GSTM3: variants seen among roughly 807,000 people sequenced by gnomAD.
GSTM3 encodes the protein glutathione S-transferase mu 3.
A neutral mutation model predicts 36.1 loss-of-function variants in GSTM3; 34 were observed. The ratio of observed to expected loss-of-function variants is 0.94; its 90% CI spans 0.72 to 1.25. The LOEUF (loss-of-function observed/expected upper bound fraction) is 1.25. GSTM3 is among the 50% of genes most tolerant of loss of function. GSTM3 has a pLI of 0.00. For synonymous variants in GSTM3, 102 were observed against 99.5 expected (o/e 1.03, Z -0.15); for missense variants, 266 against 281.6 (o/e 0.94, Z 0.40).
intron 6 of GSTM3, 112 bp downstream of exon 6, chr1:109,737,979 C>T: frequency 1.3e-6 from 1 of 756,568 alleles, no homozygotes; most frequent in Non-Finnish European, 2.3e-6. Context: ...TTCTAACAAT[C>T]TGGATTGGTG....
rs1649166346 is a variant in GSTM3 at position 109,735,313 on chromosome 1, C to T, written c.*1758G>A. The T allele has an allele frequency of 6.6e-6, 1 of 152,096 alleles. No homozygotes were observed. Among genetic ancestry groups the T allele is most frequent in the African/African-American group, 2.4e-5 (1 of 41,404 alleles). The allele number at this position is 152,096 out of a possible 1,614,324, so 9.4% of individuals were successfully genotyped here. ...ACCTCAGCCTCCTGGGTAGCTGGGACTATGCATGAGCAATTGCGCACAGCT... is the reference window on the plus strand; with the variant it reads ...ACCTCAGCCTCCTGGGTAGCTGGGATTATGCATGAGCAATTGCGCACAGCT... On this transcript the variant is annotated 3_prime_UTR_variant, in exon 9 of 9. Transcript: ENST00000361066.
rs1384873573 is a variant in GSTM3 at position 109,740,240 on chromosome 1, C to A, written c.48G>T (p.Gly16=). ...SMVLGYWDIR[G]LAHAIRLLLE... ...GCTCTACCGTTGAGACGGCACTCAC[C>A]CCACGAATATCCCAGTACCCGAGAA... Residue 16 remains glycine (G), a splice_region_variant and synonymous_variant, in exon 2 of 9, where the codon GGG becomes GGT. Coordinates refer to ENST00000361066, the MANE Select transcript of GSTM3 (RefSeq NM_000849.5). 1 of 1,613,150 alleles carries A rather than the reference C, an allele frequency of 6.2e-7. No homozygotes were observed. Among genetic ancestry groups the A allele is most frequent in the African/African-American group, 1.3e-5 (1 of 74,924 alleles).
Position 109,735,337 on chromosome 1 carries a change from CTAAT to C in GSTM3, c.*1730_*1733del, listed in dbSNP as rs931670804. The C allele has an allele frequency of 2.0e-4, 30 of 151,938 alleles. No homozygotes were observed. The highest frequency in any genetic ancestry group is 7.0e-4 in the African/African-American group (29 of 41,332). The allele number at this position is 151,938 out of a possible 1,614,324, so 9.4% of individuals were successfully genotyped here. ...ACTATGCATGAGCAATTGCGCACAG[CTAAT>C]TAAAAAAAATTTTTGGGAGACAGGG... On this transcript the variant is annotated 3_prime_UTR_variant, in exon 9 of 9. Transcript: ENST00000361066.
In GSTM3 at chr1:109,740,197, A is replaced by G. The variant is rs1443271722; in HGVS notation, c.48+43T>C. The G allele has an allele frequency of 2.6e-6, 4 of 1,561,372 alleles. No individual in the cohort carries two copies. The South Asian group carries it at 4.5e-5, about 17-fold the overall frequency. ...CCCAGAGACCCGCCCTCTCCGCGTC[A>G]GTCTCTTTGACCGAGCGGCTCTACC... On this transcript the variant is annotated intron_variant, in intron 2 of 8. Transcript: ENST00000361066.
Position 109,739,483 on chromosome 1 carries a change from A to G in GSTM3, c.135T>C (p.Tyr45=). 2 of 1,612,514 alleles carry G rather than the reference A, an allele frequency of 1.2e-6. No individual in the cohort carries two copies. Among genetic ancestry groups the G allele is most frequent in the Non-Finnish European group, 1.7e-6 (2 of 1,178,720 alleles). The change falls in exon 4 of 9, where the codon TAT becomes TAC. Residue 45 remains tyrosine (Y), a synonymous_variant. Transcript: ENST00000361066. ...TCACATCCAGCCATTGGCTTCGATCATAGTCAGGAGCTGTAAGAGACGGAA... is the reference window on the plus strand; with the variant it reads ...TCACATCCAGCCATTGGCTTCGATCGTAGTCAGGAGCTGTAAGAGACGGAA... ...KRYTCGEAPD[Y]DRSQWLDVKF...
intron 5 of GSTM3, 44 bp downstream of exon 5, chr1:109,738,241 C>T (rs773684719): frequency 6.2e-7 from 1 of 1,601,354 alleles, no homozygotes. Context: ...CACTCTCAGA[C>T]AAACTACCAG....
chr1:109,738,235 C>G, intron 5 of GSTM3, 44 bp from the exon 6 acceptor site: 8 of 1,597,854 alleles, frequency 5.0e-6, no homozygotes, highest in South Asian at 2.2e-5. Flanking sequence ...ATCATCCACT[C>G]TCAGACAAAC....
chr1:109,737,636 T>G lies in GSTM3; in HGVS notation c.468+20A>C. The G allele has an allele frequency of 6.4e-7, 1 of 1,563,074 alleles. No homozygotes were observed. The highest frequency in any genetic ancestry group is 8.8e-7 in the Non-Finnish European group (1 of 1,135,976). The stretch of plus-strand genomic sequence containing the variant: ...CCTGCAGAGATAGAGAAGTATCCTC[T>G]TCTTTTCCCTTCTTCCTACCTTTTC... On this transcript the variant is annotated intron_variant, in intron 7 of 8. Transcript: ENST00000361066.
At chr1:109,737,202 C>A in intron 8 of GSTM3, 33 bp from the exon 9 acceptor site, 1 of 1,425,402 alleles carries the variant, frequency 7.0e-7, no homozygotes, top group African/African-American at 1.4e-5. Context: ...CTTATAACGA[C>A]CCCAACCCAG....
intron 3 of GSTM3, 27 bp from the exon 4 acceptor site, chr1:109,739,520 C>G: frequency 1.3e-6 from 2 of 1,559,372 alleles, no homozygotes; most frequent in Non-Finnish European, 1.8e-6. Context: ...TAAGTGGGAC[C>G]CAACCTCCTT....
chr1:109,739,724 G>A (rs1649310702), intron 3 of GSTM3, 109 bp downstream of exon 3: 2 of 841,124 alleles, frequency 2.4e-6, no homozygotes, highest in Non-Finnish European at 3.9e-6. Context: ...CCCAGATTGG[G>A]GCAAACGTCC....
At chr1:109,739,317 C>G in intron 4 of GSTM3, 112 bp downstream of exon 4, 1 of 632,814 alleles carries the variant, frequency 1.6e-6, no homozygotes. Context: ...TTTATTCTAT[C>G]CGGGTTAAGA....
intron 8 of GSTM3, 34 bp downstream of exon 8, chr1:109,737,423 T>C: frequency 7.7e-7 from 1 of 1,300,594 alleles, no homozygotes; most frequent in Non-Finnish European, 1.1e-6. Flanking sequence ...AGCCTGTGAG[T>C]GTTTTTATAA....
Position 109,735,632 on chromosome 1 carries a change from T to TG in GSTM3, c.*1438dup, listed in dbSNP as rs145782236. On this transcript the variant is annotated 3_prime_UTR_variant, in exon 9 of 9. Coordinates refer to ENST00000361066, the MANE Select transcript of GSTM3 (RefSeq NM_000849.5). Reference sequence around the variant, plus strand: ...ACATCTTAGTATATGTCTCTTTGAATGTTTTTTTTTTTTTTTTTTTTTTTT... The same window carrying TG: ...ACATCTTAGTATATGTCTCTTTGAATGGTTTTTTTTTTTTTTTTTTTTTTTT... The TG allele has an allele frequency of 2.1e-5, 1 of 47,650 alleles. No individual in the cohort carries two copies. Among genetic ancestry groups the TG allele is most frequent in the African/African-American group, 9.2e-5 (1 of 10,812 alleles). 3.0% of individuals were successfully genotyped at this position (47,650 alleles called of 1,614,324 possible).
intron 4 of GSTM3, 37 bp from the exon 5 acceptor site, chr1:109,738,403 C>T: frequency 7.3e-7 from 1 of 1,361,120 alleles, no homozygotes; most frequent in Non-Finnish European, 1.1e-6. Context: ...AACAACCTGC[C>T]TCTCTCTTGA....
chr1:109,740,072 A>C (rs1649324301), intron 2 of GSTM3, 164 bp from the exon 3 acceptor site: 12 of 870,680 alleles, frequency 1.4e-5, no homozygotes, highest in Non-Finnish European at 2.0e-5. Context: ...GCCCCTCCCC[A>C]CAGGGCCCGC....
At position 109,739,502 on chromosome 1, in the gene GSTM3, G is replaced by T; in HGVS notation, c.125-9C>A. On this transcript the variant is annotated splice_polypyrimidine_tract_variant and intron_variant, in intron 3 of 8. Transcript: ENST00000361066. ...TCGATCATAGTCAGGAGCTGTAAGA[G>T]ACGGAATTAAGTGGGACCCAACCTC... 1 of 1,609,114 alleles carries T rather than the reference G, an allele frequency of 6.2e-7. No homozygotes were observed. The highest frequency in any genetic ancestry group is 1.1e-5 in the South Asian group (1 of 90,840).
In GSTM3 at chr1:109,737,142, G is replaced by GT. The variant is rs1204061173; in HGVS notation, c.606dup (p.Gln203ThrfsTer3). The GT allele has an allele frequency of 2.5e-6, 4 of 1,613,304 alleles. No homozygotes were observed. The highest frequency in any genetic ancestry group is 3.4e-6 in the Non-Finnish European group (4 of 1,179,422). On this transcript the variant is annotated frameshift_variant, in exon 9 of 9. Transcript: ENST00000361066. LOFTEE classifies it high-confidence loss of function. ...GGCATCTTGCAGAACTGATCAGACT[G>GT]TAAGTAGGCAGCGATTTTCTCCAAA...
intron 8 of GSTM3, 88 bp from the exon 9 acceptor site, chr1:109,737,257 C>A (rs1240745698): frequency 2.1e-6 from 2 of 942,958 alleles, no homozygotes; most frequent in Admixed American, 1.8e-5. Flanking sequence ...GTGTTGCCTG[C>A]GTCTACCTCC....
Sources: allele counts gnomAD v4.1 joint callset, GRCh38; gene constraint gnomAD v4.1.1; transcripts MANE v1.5; gene names NCBI Gene and HGNC (gene_info 2026-07-23, HGNC 2026-07-21).